LARGE1: variants seen among roughly 807,000 people sequenced by gnomAD.
LARGE1 encodes LARGE xylosyl- and glucuronyltransferase 1, also known as xylosyl- and glucuronyltransferase LARGE1.
In LARGE1, 43 loss-of-function variants were observed where a neutral mutation model predicts 87.6. That is an observed-to-expected ratio of 0.49 (90% CI 0.38 to 0.63). LARGE1 has a LOEUF of 0.63. Among genes scored for constraint, LARGE1 ranks in the 30% least tolerant of loss-of-function variants. LARGE1 has a pLI of 0.00. For synonymous variants in LARGE1, 434 were observed against 394.6 expected (o/e 1.10, Z -1.18); for missense variants, 802 against 1,000.2 (o/e 0.80, Z 2.67).
intron 6 of LARGE1, among the ~76,000 whole-genome samples, chr22:33,494,789 T>C (rs545159387): frequency 3.9e-4 from 59 of 152,340 alleles, no homozygotes; most frequent in Non-Finnish European, 5.9e-4. Flanking sequence ...CGTTTTCTCC[T>C]TTGCCAGTGC....
At chr22:33,494,238 A>G (rs1336567764) in intron 6 of LARGE1, among the ~76,000 whole-genome samples, 3 of 152,188 alleles carry the variant, frequency 2.0e-5, no homozygotes, top group Non-Finnish European at 4.4e-5. Flanking sequence ...TTCCACTTAT[A>G]GGTTATTGGG....
At chr22:33,522,696 T>C (rs1422825197) in intron 6 of LARGE1, among the ~76,000 whole-genome samples, 2 of 152,120 alleles carry the variant, frequency 1.3e-5, no homozygotes, top group East Asian at 3.9e-4. Flanking sequence ...CTGGGCGTGG[T>C]GGCATGCACC....
At chr22:33,415,017 AAGAC>A (rs2066436542) in intron 7 of LARGE1, among the ~76,000 whole-genome samples, 1 of 152,224 alleles carries the variant, frequency 6.6e-6, no homozygotes, top group African/African-American at 2.4e-5. Flanking sequence ...AGAATGGACT[AAGAC>A]AGTGTTATTT....
the LARGE1 span, among the ~76,000 whole-genome samples, chr22:33,098,006 T>G: frequency 6.6e-6 from 1 of 152,296 alleles, no homozygotes; most frequent in African/African-American, 2.4e-5. Flanking sequence ...GCCATACAAA[T>G]AAGCTAGTAA....
At chr22:33,795,902 G>A (rs2085964986) in intron 1 of LARGE1, among the ~76,000 whole-genome samples, 1 of 151,682 alleles carries the variant, frequency 6.6e-6, no homozygotes, top group South Asian at 2.1e-4. Flanking sequence ...TAATGTAAGT[G>A]ACGAGTTAAC....
chr22:33,687,557 T>C (rs2081981284), intron 2 of LARGE1, among the ~76,000 whole-genome samples: 1 of 152,046 alleles, frequency 6.6e-6, no homozygotes, highest in African/African-American at 2.4e-5. Flanking sequence ...AAGCAGACAT[T>C]TGTTGAATGA....
chr22:33,607,711 G>A (rs1313146891), intron 4 of LARGE1, among the ~76,000 whole-genome samples: 1 of 152,162 alleles, frequency 6.6e-6, no homozygotes, highest in African/African-American at 2.4e-5. Context: ...CAAAGCCAGT[G>A]CTGCTGCTGA....
At chr22:33,353,113 T>A (rs1347670621) in intron 9 of LARGE1, among the ~76,000 whole-genome samples, 2 of 152,254 alleles carry the variant, frequency 1.3e-5, no homozygotes, top group Non-Finnish European at 2.9e-5. Flanking sequence ...ACAACCACTA[T>A]CATTCAGGAA....
intron 4 of LARGE1, among the ~76,000 whole-genome samples, chr22:33,620,310 T>C (rs974735789): frequency 6.6e-6 from 1 of 152,242 alleles, no homozygotes; most frequent in African/African-American, 2.4e-5. Flanking sequence ...TGATCCACTT[T>C]CCTGCCCAGG....
chr22:33,633,646 G>A (rs562995299), intron 3 of LARGE1, among the ~76,000 whole-genome samples: 4 of 152,192 alleles, frequency 2.6e-5, no homozygotes, highest in Non-Finnish European at 5.9e-5. Context: ...CTGGGGGCAC[G>A]ATTCAGTTAA....
chr22:33,366,204 T>C (rs1483603752), intron 9 of LARGE1, among the ~76,000 whole-genome samples: 1 of 152,234 alleles, frequency 6.6e-6, no homozygotes, highest in African/African-American at 2.4e-5. Flanking sequence ...GCACAGTTTA[T>C]GGAAAACTTA....
intron 11 of LARGE1, among the ~76,000 whole-genome samples, chr22:33,215,078 G>A (rs987190338): frequency 3.3e-5 from 5 of 152,150 alleles, no homozygotes; most frequent in African/African-American, 1.2e-4. Context: ...CCATTTTCTT[G>A]ATGTCTAGAA....
chr22:33,340,006 C>T (rs1044490025), intron 9 of LARGE1, among the ~76,000 whole-genome samples: 2 of 151,924 alleles, frequency 1.3e-5, no homozygotes, highest in South Asian at 2.1e-4. Flanking sequence ...TAAGAAAGCA[C>T]CTTAATTTAT....
chr22:33,314,717 C>T lies in LARGE1; in HGVS notation c.1451+1368G>A, dbSNP rs1356782346. The stretch of plus-strand genomic sequence containing the variant: ...CAAACTTCCTTCCTAATTGTAGGAG[C>T]TGAGGGGGGATGACATGTGAGGGAG... On this transcript the variant is annotated intron_variant, in intron 11 of 14. Transcript: ENST00000397394. Among the ~76,000 whole-genome samples, 6 of 152,116 alleles carry T rather than the reference C, an allele frequency of 3.9e-5. No individual in the cohort carries two copies. The East Asian group carries it at 1.2e-3, about 29-fold the overall frequency.
At chr22:33,400,952 T>C (rs1601711558) in intron 7 of LARGE1, among the ~76,000 whole-genome samples, 2 of 152,184 alleles carry the variant, frequency 1.3e-5, no homozygotes, top group Admixed American at 1.3e-4. Flanking sequence ...CCCAGGTCCA[T>C]ACTCTGCCCT....
intron 1 of LARGE1, among the ~76,000 whole-genome samples, chr22:33,901,173 G>A (rs541175169): frequency 5.3e-5 from 8 of 152,246 alleles, no homozygotes; most frequent in Admixed American, 1.3e-4. Context: ...GGGATCACCA[G>A]GAATTGCCAG....
chr22:33,242,208 C>T (rs1360704912), intron 11 of LARGE1, among the ~76,000 whole-genome samples: 1 of 152,092 alleles, frequency 6.6e-6, no homozygotes. Flanking sequence ...ATAGAATACT[C>T]TTAGCAGGTG....
chr22:33,405,674 G>C lies in LARGE1; in HGVS notation c.893-21370C>G, dbSNP rs574039762. Among the ~76,000 whole-genome samples the C allele has an allele frequency of 1.7e-4, 26 of 152,294 alleles. 1 individual carries two copies. In the South Asian group the frequency reaches 5.0e-3, roughly 29 times the overall value. On this transcript the variant is annotated intron_variant, in intron 7 of 14. Transcript: ENST00000397394. Reference sequence around the variant, plus strand: ...GTCTTGACTTTGCTGCCGACAAATAGTGAGATTTTGAATAAATGGTGTAAC... The same window carrying C: ...GTCTTGACTTTGCTGCCGACAAATACTGAGATTTTGAATAAATGGTGTAAC...
At chr22:33,482,025 CCAT>C (rs373471635) in intron 6 of LARGE1, among the ~76,000 whole-genome samples, 1 of 152,262 alleles carries the variant, frequency 6.6e-6, no homozygotes, top group Non-Finnish European at 1.5e-5. Context: ...GATATTATTA[CCAT>C]CATCATCATA....
Sources: gnomAD v4.1 joint callset for allele counts (sites outside exome capture counted in the v4.1 genomes callset) on GRCh38, gnomAD v4.1.1 for gene constraint, MANE v1.5 for transcripts, NCBI Gene and HGNC (gene_info 2026-07-23, HGNC 2026-07-21) for gene names.